The following FBXL7 variants were observed in gnomAD, a reference collection of about 807,000 sequenced individuals.
FBXL7 encodes F-box and leucine rich repeat protein 7.
FBXL7 carries 12 observed loss-of-function variants against 38.3 expected under a neutral mutation model. The observed-to-expected ratio is 0.31, with a 90% CI of 0.20 to 0.51. The LOEUF is 0.51. Among genes scored for constraint, FBXL7 ranks in the 20% least tolerant of loss-of-function variants. The pLI is 0.98. For synonymous variants in FBXL7, 297 were observed against 300.9 expected (o/e 0.99, Z 0.13); for missense variants, 567 against 676.4 (o/e 0.84, Z 1.79).
chr5:15,597,085 C>T (rs1739645152), intron 1 of FBXL7, among the ~76,000 whole-genome samples: 1 of 152,084 alleles, frequency 6.6e-6, no homozygotes, highest in South Asian at 2.1e-4. Context: ...GTGGGGGCAG[C>T]CTTGTGGGAC....
At chr5:15,891,227 G>A (rs558043704) in intron 2 of FBXL7, among the ~76,000 whole-genome samples, 5 of 152,270 alleles carry the variant, frequency 3.3e-5, no homozygotes, top group African/African-American at 1.2e-4. Flanking sequence ...ATATCTTCAA[G>A]TTCTTGCTCA....
chr5:15,519,342 C>G (rs1234591886), intron 1 of FBXL7, among the ~76,000 whole-genome samples: 3 of 147,856 alleles, frequency 2.0e-5, no homozygotes, highest in East Asian at 4.0e-4. Flanking sequence ...GACTCCATCT[C>G]AAAAAAAAAT....
rs1740275341 is a variant in FBXL7 at position 15,612,411 on chromosome 5, A to C, written c.38-3572A>C. On this transcript the variant is annotated intron_variant, in intron 1 of 3. Transcript: ENST00000504595. ...AATAACATTATTATTTGTTTCCTCAACCTTATACTCTTTCTTCATAAACAA... is the reference window on the plus strand; with the variant it reads ...AATAACATTATTATTTGTTTCCTCACCCTTATACTCTTTCTTCATAAACAA... Among the ~76,000 whole-genome samples, 3 of 152,184 alleles carry C rather than the reference A, an allele frequency of 2.0e-5. No homozygotes were observed. In the South Asian group the frequency reaches 6.2e-4, roughly 32 times the overall value.
At chr5:15,866,031 A>G (rs185250914) in intron 2 of FBXL7, among the ~76,000 whole-genome samples, 5 of 152,270 alleles carry the variant, frequency 3.3e-5, no homozygotes, top group East Asian at 1.9e-4. Flanking sequence ...GATGACAACA[A>G]TGGGACCCCT....
chr5:15,800,717 A>T (rs1023844593), intron 2 of FBXL7, among the ~76,000 whole-genome samples: 1 of 152,212 alleles, frequency 6.6e-6, no homozygotes, highest in Non-Finnish European at 1.5e-5. Context: ...ATCTCAGCAT[A>T]TGGAGGTGCA....
At chr5:15,891,184 C>T (rs536407960) in intron 2 of FBXL7, among the ~76,000 whole-genome samples, 1 of 152,288 alleles carries the variant, frequency 6.6e-6, no homozygotes, top group African/African-American at 2.4e-5. Flanking sequence ...CTACTGTAGG[C>T]ACTCAGATAT....
At chr5:15,866,869 C>T (rs1020197222) in intron 2 of FBXL7, among the ~76,000 whole-genome samples, 6 of 152,096 alleles carry the variant, frequency 3.9e-5, no homozygotes, top group African/African-American at 1.4e-4. Flanking sequence ...GTATAGTCTT[C>T]CATGGTGTAT....
intron 1 of FBXL7, among the ~76,000 whole-genome samples, chr5:15,552,281 C>T (rs188402296): frequency 2.6e-5 from 4 of 152,210 alleles, no homozygotes; most frequent in Admixed American, 6.5e-5. Context: ...CATGACACAA[C>T]AGTCTCCTGG....
chr5:15,566,849 G>T (rs1561030395), intron 1 of FBXL7, among the ~76,000 whole-genome samples: 1 of 152,116 alleles, frequency 6.6e-6, no homozygotes, highest in Non-Finnish European at 1.5e-5. Context: ...TTGGGGACTT[G>T]CAAATCACTT....
At chr5:15,534,076 G>A (rs931025782) in intron 1 of FBXL7, among the ~76,000 whole-genome samples, 1 of 152,126 alleles carries the variant, frequency 6.6e-6, no homozygotes, top group East Asian at 1.9e-4. Flanking sequence ...CAGAGTTTCT[G>A]TAGATTCTAG....
intron 1 of FBXL7, among the ~76,000 whole-genome samples, chr5:15,565,872 G>A (rs1738558170): frequency 6.6e-6 from 1 of 152,114 alleles, no homozygotes; most frequent in Non-Finnish European, 1.5e-5. Context: ...TGACCCATAT[G>A]AGGGAGGACA....
chr5:15,689,266 A>AT (rs1743109507), intron 2 of FBXL7, among the ~76,000 whole-genome samples: 4 of 98,498 alleles, frequency 4.1e-5, no homozygotes, highest in Non-Finnish European at 6.3e-5. Flanking sequence ...GTTTATTTTC[A>AT]GTTTTTTTTT....
In FBXL7 at chr5:15,917,683, A is replaced by AAGGAAGGAAGG. The variant is rs1554034064; in HGVS notation, c.128-10205_128-10195dup. The stretch of plus-strand genomic sequence containing the variant: ...GAAGGAAGGAAGGAAGGAAGGAAGG[A>AAGGAAGGAAGG]AGGAAGGAAGGAAGAAAGAAAGGAA... On this transcript the variant is annotated intron_variant, in intron 2 of 3. Coordinates refer to ENST00000504595, the MANE Select transcript of FBXL7 (RefSeq NM_012304.5). 3.3e-5 allele frequency among the ~76,000 whole-genome samples: 5 copies of AAGGAAGGAAGG among 149,668 alleles called. No homozygotes were observed. The East Asian group carries it at 1.0e-3, about 30-fold the overall frequency.
intron 2 of FBXL7, among the ~76,000 whole-genome samples, chr5:15,729,328 G>T (rs1735510757): frequency 6.6e-6 from 1 of 152,038 alleles, no homozygotes; most frequent in Non-Finnish European, 1.5e-5. Flanking sequence ...TTTGACAGTA[G>T]CAGAGAACTT....
At chr5:15,911,749 G>C (rs1394876198) in intron 2 of FBXL7, among the ~76,000 whole-genome samples, 30 of 64,690 alleles carry the variant, frequency 4.6e-4, no homozygotes, top group African/African-American at 1.1e-4. Flanking sequence ...TAACAGACAG[G>C]ACCCTCAGCT....
At chr5:15,700,725 T>G (rs2126632457) in intron 2 of FBXL7, among the ~76,000 whole-genome samples, 1 of 152,372 alleles carries the variant, frequency 6.6e-6, no homozygotes, top group Middle Eastern at 3.4e-3. Flanking sequence ...ACAAACTTGG[T>G]TGATACTTTT....
At chr5:15,513,012 A>G (rs1736843142) in intron 1 of FBXL7, among the ~76,000 whole-genome samples, 1 of 152,188 alleles carries the variant, frequency 6.6e-6, no homozygotes, top group South Asian at 2.1e-4. Flanking sequence ...GTGGCTTTGT[A>G]GCTCTAGTTT....
rs902316854 is a variant in FBXL7 at position 15,928,844 on chromosome 5, C to T, written c.739+343C>T. ...CGTCATTTAACATTAGGTGTATCTC[C>T]ACTTCTTACGGGAGTTCTTAGGGGA... On this transcript the variant is annotated intron_variant, in intron 3 of 3. Coordinates refer to ENST00000504595, the MANE Select transcript of FBXL7 (RefSeq NM_012304.5). This position sits in a 1 kb window ranked among gnomAD's most constrained non-coding sequence, Gnocchi z 4.0. Among the ~76,000 whole-genome samples, 4 of 152,268 alleles carry T rather than the reference C, an allele frequency of 2.6e-5. No individual in the cohort carries two copies. Among genetic ancestry groups the T allele is most frequent in the Non-Finnish European group, 5.9e-5 (4 of 68,018 alleles).
intron 2 of FBXL7, among the ~76,000 whole-genome samples, chr5:15,878,122 C>G (rs556549276): frequency 6.6e-6 from 1 of 152,284 alleles, no homozygotes; most frequent in African/African-American, 2.4e-5. Flanking sequence ...TATGTAAATC[C>G]TTCAGTTGTT....
Sources: gnomAD v4.1 joint callset for allele counts (sites outside exome capture counted in the v4.1 genomes callset) on GRCh38, gnomAD v4.1.1 for gene constraint, Gnocchi (gnomAD v3.1) non-coding constraint, MANE v1.5 for transcripts, NCBI Gene and HGNC (gene_info 2026-07-23, HGNC 2026-07-21) for gene names.